Variants in VRK2 observed in about 807,000 individuals in gnomAD.
The protein encoded by VRK2 is serine/threonine-protein kinase VRK2.
A neutral mutation model predicts 57.6 loss-of-function variants in VRK2; 60 were observed. The observed-to-expected ratio is 1.04, with a 90% confidence interval of 0.85 to 1.29. The LOEUF is 1.29. VRK2 is among the 50% of genes most tolerant of loss of function. VRK2 has a pLI of 0.00. For missense variants in VRK2, 705 were observed against 588.1 expected (o/e 1.20, Z -2.06); for synonymous variants, 231 against 199.2 (o/e 1.16, Z -1.35).
At chr2:58,006,304 G>C (rs1007891009) in intron 1 of VRK2, among the ~76,000 whole-genome samples, 1 of 152,158 alleles carries the variant, frequency 6.6e-6, no homozygotes, top group Non-Finnish European at 1.5e-5. Context: ...TTAAAAGTTT[G>C]TTTGGTGGAA....
chr2:57,996,586 T>C (rs1321508543), intron 1 of VRK2, among the ~76,000 whole-genome samples: 1 of 152,226 alleles, frequency 6.6e-6, no homozygotes, highest in Non-Finnish European at 1.5e-5. Flanking sequence ...TGGTTACAAC[T>C]GATTGGATAC....
At chr2:58,070,912 A>G (rs529536144) in intron 2 of VRK2, among the ~76,000 whole-genome samples, 12 of 152,212 alleles carry the variant, frequency 7.9e-5, no homozygotes, top group Non-Finnish European at 2.9e-5. Flanking sequence ...TGGCTGTACT[A>G]TTTTATATTC....
intron 1 of VRK2, among the ~76,000 whole-genome samples, chr2:57,940,202 C>T (rs1255733726): frequency 6.6e-6 from 1 of 151,892 alleles, no homozygotes; most frequent in African/African-American, 2.4e-5. Context: ...AGGATGACAC[C>T]CCAGGAGAGC....
chr2:58,151,520 G>T (rs1254145653), intron 12 of VRK2, among the ~76,000 whole-genome samples: 1 of 151,200 alleles, frequency 6.6e-6, no homozygotes, highest in African/African-American at 2.4e-5. Flanking sequence ...ATAAAATCTG[G>T]CAAACACTAT....
chr2:57,951,902 C>T (rs888900864), intron 1 of VRK2, among the ~76,000 whole-genome samples: 4 of 150,392 alleles, frequency 2.7e-5, no homozygotes, highest in African/African-American at 9.8e-5. Context: ...TACCACCATG[C>T]CCAGGTAATT....
At chr2:58,057,766 T>C (rs970095471) in intron 2 of VRK2, among the ~76,000 whole-genome samples, 1 of 152,264 alleles carries the variant, frequency 6.6e-6, no homozygotes, top group Non-Finnish European at 1.5e-5. Context: ...GCTTTTGTTA[T>C]GGTTTCTGGG....
rs1572894742 is a variant in VRK2, at chr2:57,948,103, C to A, written c.-439+40264C>A. Reference sequence around the variant, plus strand: ...TAGACTTAAAACAATATCATTTATGCAAGGATGTTTTATATTCAAAGTGCT... The same window carrying A: ...TAGACTTAAAACAATATCATTTATGAAAGGATGTTTTATATTCAAAGTGCT... On this transcript the variant is annotated intron_variant, in intron 1 of 15. Coordinates refer to the VRK2 transcript ENST00000417641. Among the ~76,000 whole-genome samples the A allele has an allele frequency of 1.3e-5, 2 of 152,228 alleles. 1 individual carries two copies. The highest frequency in any genetic ancestry group is 6.8e-3 in the Middle Eastern group (2 of 294).
chr2:57,967,278 A>G (rs954272212), intron 1 of VRK2, among the ~76,000 whole-genome samples: 1 of 152,058 alleles, frequency 6.6e-6, no homozygotes, highest in South Asian at 2.1e-4. Flanking sequence ...AATGTAGATG[A>G]CGGGTTGATG....
At chr2:58,003,820 A>C (rs1008099557) in intron 1 of VRK2, among the ~76,000 whole-genome samples, 7 of 152,162 alleles carry the variant, frequency 4.6e-5, no homozygotes, top group Non-Finnish European at 1.0e-4. Flanking sequence ...TTTCTCACAC[A>C]AAATTATGTT....
At chr2:58,086,466 T>C (rs1671638775) in intron 5 of VRK2, 40 bp downstream of exon 5, 12 of 1,512,746 alleles carry the variant, frequency 7.9e-6, no homozygotes, top group Non-Finnish European at 9.8e-6. Flanking sequence ...TCTTTATAAC[T>C]ATTCCTTATG....
At chr2:57,932,582 C>T (rs1352818230) in intron 1 of VRK2, among the ~76,000 whole-genome samples, 1 of 151,962 alleles carries the variant, frequency 6.6e-6, no homozygotes, top group Non-Finnish European at 1.5e-5. Context: ...TTAACCTTCT[C>T]TTTTTTTACT....
intron 1 of VRK2, among the ~76,000 whole-genome samples, chr2:57,913,209 A>G (rs926909401): frequency 6.6e-6 from 1 of 152,222 alleles, no homozygotes; most frequent in African/African-American, 2.4e-5. Context: ...CCTGGGATTC[A>G]ATCTTGGCCC....
intron 1 of VRK2, among the ~76,000 whole-genome samples, chr2:57,952,539 G>T (rs1026552779): frequency 6.6e-6 from 1 of 152,128 alleles, no homozygotes; most frequent in Non-Finnish European, 1.5e-5. Flanking sequence ...AATACTCTGT[G>T]CCAGGAATTT....
rs1220950171 is a variant in VRK2, at chr2:57,958,144, G to C, written c.-439+50305G>C. Among the ~76,000 whole-genome samples the C allele has an allele frequency of 2.6e-5, 4 of 152,104 alleles. No individual in the cohort carries two copies. The South Asian group carries it at 8.3e-4, about 32-fold the overall frequency. ...AATCAATAAAATCAGATTTTACTAA[G>C]AGGAGCTAAAGTAAAACACAACTGA... is the stretch of plus-strand genomic sequence containing the variant. On this transcript the variant is annotated intron_variant, in intron 1 of 15. Coordinates refer to the VRK2 transcript ENST00000417641.
intron 12 of VRK2, among the ~76,000 whole-genome samples, chr2:58,146,925 C>A (rs1177472114): frequency 6.6e-6 from 1 of 151,938 alleles, no homozygotes; most frequent in Non-Finnish European, 1.5e-5. Context: ...GCAGATGACT[C>A]ATTCAAGTAA....
chr2:57,987,923 CT>C (rs1672648286), intron 1 of VRK2, among the ~76,000 whole-genome samples: 1 of 152,090 alleles, frequency 6.6e-6, no homozygotes, highest in Non-Finnish European at 1.5e-5. Flanking sequence ...TACTTAAAAA[CT>C]TAATTTACAA....
intron 7 of VRK2, among the ~76,000 whole-genome samples, chr2:58,120,519 C>G (rs745384270): frequency 2.6e-5 from 4 of 151,908 alleles, no homozygotes; most frequent in Admixed American, 1.3e-4. Flanking sequence ...TAAATGTAAA[C>G]CCTATACTGC....
At chr2:58,124,913 G>T (rs749612549) in intron 8 of VRK2, among the ~76,000 whole-genome samples, 1 of 151,890 alleles carries the variant, frequency 6.6e-6, no homozygotes. Context: ...TGATTTTTCA[G>T]TATTCATATT....
At chr2:57,924,739 C>A (rs778065819) in intron 1 of VRK2, among the ~76,000 whole-genome samples, 1 of 151,916 alleles carries the variant, frequency 6.6e-6, no homozygotes, top group African/African-American at 2.4e-5. Context: ...TCCAGTAATA[C>A]GTTGAATAAC....
Sources: allele counts gnomAD v4.1 joint callset (sites outside exome capture counted in the v4.1 genomes callset), GRCh38; gene constraint gnomAD v4.1.1; transcripts MANE v1.5; gene names NCBI Gene and HGNC (gene_info 2026-07-23, HGNC 2026-07-21).